DNAH5: variants seen among roughly 807,000 people sequenced by gnomAD.
DNAH5 encodes the protein dynein axonemal heavy chain 5.
In DNAH5, 372 loss-of-function variants were observed where a neutral mutation model predicts 518.2. The observed-to-expected ratio is 0.72, with a 90% CI of 0.66 to 0.78. DNAH5 has a LOEUF of 0.78. DNAH5 is among the 30% of genes least tolerant of loss of function. The pLI is 0.00. For synonymous variants in DNAH5, 2,039 were observed against 2,025.9 expected (o/e 1.01, Z -0.17); for missense variants, 5,523 against 5,687.0 (o/e 0.97, Z 0.93).
chr5:13,948,624 A>G (rs982007425), upstream of DNAH5, among the ~76,000 whole-genome samples: 2 of 152,216 alleles, frequency 1.3e-5, no homozygotes, highest in African/African-American at 2.4e-5. Context: ...TTGTGCTGCA[A>G]TTTTAAGTAA....
chr5:13,708,325 C>G lies in DNAH5; in HGVS notation c.13136G>C (p.Arg4379Thr), dbSNP rs1200951746. 6.2e-7 allele frequency: 1 copy of G among 1,613,980 alleles called. No individual in the cohort carries two copies. The highest frequency in any genetic ancestry group is 2.2e-5 in the East Asian group (1 of 44,882). The change falls in exon 76 of 79, where the codon AGG becomes ACG. Residue 4379 changes from arginine (R) to threonine (T), a missense_variant. Around this residue, in one of 3 missense-constraint regions of DNAH5, gnomAD observed 387 missense variants for 430.0 expected, o/e 0.90. Coordinates refer to ENST00000265104, the MANE Select transcript of DNAH5 (RefSeq NM_001369.3). The stretch of plus-strand genomic sequence containing the variant: ...CTGGAATGGCCCCATCTTCTGCAGC[C>G]TCTCTTTTACCTGCCATGGAGACAT... ...PDYVPFEVKE[R>T]LQKMGPFQPM...
chr5:13,950,234 C>T (rs7704220), intron 1 of DNAH5, among the ~76,000 whole-genome samples: 5,179 of 151,824 alleles, frequency 0.034, 119 homozygotes, highest in Middle Eastern at 0.11. Flanking sequence ...AGTTTTTTTT[C>T]CTTTCCAGAT....
rs118026202 is a variant in DNAH5 at position 13,911,399 on chromosome 5, G to A, written c.1631C>T (p.Thr544Ile). Residue 544 changes from threonine (T) to isoleucine (I), a missense_variant, in exon 12 of 79, where the codon ACT becomes ATT. Thr to Ile is a moderately conservative substitution (Grantham distance 89). This residue lies in a region of DNAH5 where 5,121 missense variants were observed against 5,223.3 expected (regional missense o/e 0.98). Coordinates refer to ENST00000265104, the MANE Select transcript of DNAH5 (RefSeq NM_001369.3). ...TATACAACCTACATGAAGGTCATTAGTCTGCTTGCAAAACTCTTCGTAATC... is the reference window on the plus strand; with the variant it reads ...TATACAACCTACATGAAGGTCATTAATCTGCTTGCAAAACTCTTCGTAATC... Reference protein sequence around the residue: ...DQDYEEFCKQTNDLHNELRKF... With the variant: ...DQDYEEFCKQINDLHNELRKF... 674 of 1,613,402 alleles carry A rather than the reference G, an allele frequency of 4.2e-4. 9 individuals carry two copies. The East Asian group carries it at 0.014, about 34-fold the overall frequency.
intron 11 of DNAH5, 50 bp from the exon 12 acceptor site, chr5:13,911,543 C>A: frequency 7.1e-7 from 1 of 1,399,770 alleles, no homozygotes; most frequent in Admixed American, 1.7e-5. Context: ...TCTTATATTA[C>A]CTAACTAAAT....
At chr5:13,792,315 T>C (rs536516612) in intron 49 of DNAH5, 98 bp from the exon 50 acceptor site, 5 of 917,932 alleles carry the variant, frequency 5.4e-6, no homozygotes, top group South Asian at 1.4e-5. Context: ...AATGTCATTA[T>C]ACATTTTAAT....
At chr5:13,833,550 T>G (rs114817277) in intron 35 of DNAH5, among the ~76,000 whole-genome samples, 1,611 of 152,166 alleles carry the variant, frequency 0.011, 11 homozygotes, top group Non-Finnish European at 0.014. Context: ...GCTGGGTACT[T>G]ACGTTGCCTC....
At chr5:13,834,148 A>G (rs1200771588) in intron 35 of DNAH5, among the ~76,000 whole-genome samples, 2 of 152,212 alleles carry the variant, frequency 1.3e-5, no homozygotes, top group African/African-American at 4.8e-5. Context: ...ACAAATGGGC[A>G]TTTAGGGTAA....
chr5:14,001,874 C>A (rs1007521366), intron 1 of DNAH5, among the ~76,000 whole-genome samples: 1 of 151,892 alleles, frequency 6.6e-6, no homozygotes, highest in African/African-American at 2.4e-5. Context: ...GCAATAAGCC[C>A]AATGGTGATC....
intron 1 of DNAH5, among the ~76,000 whole-genome samples, chr5:13,976,667 GA>G (rs1782263680): frequency 6.9e-6 from 1 of 145,486 alleles, no homozygotes; most frequent in Non-Finnish European, 1.5e-5. Context: ...TGTATGTATA[GA>G]AAAAAACAAT....
intron 8 of DNAH5, 63 bp downstream of exon 8, chr5:13,917,080 T>C (rs183255828): frequency 1.6e-6 from 2 of 1,280,110 alleles, no homozygotes; most frequent in Non-Finnish European, 2.3e-6. Context: ...AAATTCAATA[T>C]TCAATTCAGC....
At chr5:13,754,421 A>C in intron 61 of DNAH5, 83 bp from the exon 62 acceptor site, 1 of 1,482,960 alleles carries the variant, frequency 6.7e-7, no homozygotes. Context: ...AGAACACGCC[A>C]TATTATCTGC....
rs958100028 is a variant in DNAH5, at chr5:13,864,640, G to C, written c.4356-3C>G. On this transcript the variant is annotated splice_region_variant and splice_polypyrimidine_tract_variant and intron_variant, in intron 27 of 78. Transcript: ENST00000265104. ...AGGCCCGGGGAAGCTTTCGACATCT[G>C]TGAAGGGACACCAACATGAAAGGCC... 6.2e-7 allele frequency: 1 copy of C among 1,614,126 alleles called. No homozygotes were observed. The highest frequency in any genetic ancestry group is 1.7e-5 in the Admixed American group (1 of 60,018).
chr5:13,932,352 G>C (rs1207681791), intron 1 of DNAH5: 2 of 152,332 alleles, frequency 1.3e-5, no homozygotes, highest in African/African-American at 4.8e-5. Flanking sequence ...GTTGATAAGG[G>C]GTAGGGGTGG....
At chr5:13,840,872 T>C (rs369767167) in intron 34 of DNAH5, 34 bp downstream of exon 34, 1 of 1,586,754 alleles carries the variant, frequency 6.3e-7, no homozygotes, top group African/African-American at 1.3e-5. Flanking sequence ...AATTTGTTTT[T>C]CTCTACATGC....
Position 13,842,433 on chromosome 5 carries a change from A to AAGAGAGAGAGAGAGAGAG in DNAH5, c.5272-530_5272-529insCTCTCTCTCTCTCTCTCT, listed in dbSNP as rs756093950. Among the ~76,000 whole-genome samples, 150 of 61,930 alleles carry AAGAGAGAGAGAGAGAGAG rather than the reference A, an allele frequency of 2.4e-3. 8 individuals carry two copies. Among genetic ancestry groups the AAGAGAGAGAGAGAGAGAG allele is most frequent in the African/African-American group, 9.3e-3 (143 of 15,456 alleles). 40.6% of individuals were successfully genotyped at this position (61,930 alleles called of 152,430 possible). A position where few individuals can be genotyped will look rare whatever the true frequency, so the allele number is the denominator to read the frequency against. ...GAAAGAAAAGAAAAGAAAAGAAAGA[A>AAGAGAGAGAGAGAGAGAG]AGAAAGAAAGAAAGAAAGAAAGAAA... On this transcript the variant is annotated intron_variant, in intron 32 of 78. Transcript: ENST00000265104.
At chr5:13,726,119 T>A (rs1000296758) in intron 70 of DNAH5, among the ~76,000 whole-genome samples, 5 of 152,234 alleles carry the variant, frequency 3.3e-5, no homozygotes, top group African/African-American at 1.2e-4. Context: ...TGGGATTGAA[T>A]GTATCTACAT....
At chr5:13,987,882 G>T (rs1486702146) in intron 1 of DNAH5, among the ~76,000 whole-genome samples, 1 of 137,814 alleles carries the variant, frequency 7.3e-6, no homozygotes, top group African/African-American at 2.8e-5. Flanking sequence ...TCTTAAATAA[G>T]ATTATTCAAT....
In DNAH5 at chr5:13,737,513, T is replaced by G. The variant is rs753193432; in HGVS notation, c.11212-18A>C. ...TCCAATTCCTATTAATTTGCATAAA[T>G]ATATTTTCTACCTCAATTAACAACT... On this transcript the variant is annotated intron_variant, in intron 65 of 78. Transcript: ENST00000265104. 5.0e-5 allele frequency: 80 copies of G among 1,612,196 alleles called. 1 individual carries two copies. The highest frequency in any genetic ancestry group is 2.6e-4 in the South Asian group (24 of 91,030).
intron 31 of DNAH5, among the ~76,000 whole-genome samples, chr5:13,848,328 A>C (rs972327596): frequency 6.6e-6 from 1 of 152,212 alleles, no homozygotes; most frequent in African/African-American, 2.4e-5. Flanking sequence ...GGTGTTTAAA[A>C]AGCCTCCTTA....
Sources: allele counts gnomAD v4.1 joint callset (sites outside exome capture counted in the v4.1 genomes callset), GRCh38; gene constraint gnomAD v4.1.1; regional missense constraint gnomAD v4.1.1; transcripts MANE v1.5; gene names NCBI Gene and HGNC (gene_info 2026-07-23, HGNC 2026-07-21).